The following RORA variants were observed in gnomAD, a reference collection of about 807,000 sequenced individuals.
The protein encoded by RORA is nuclear receptor ROR-alpha.
Under a neutral mutation model 69.5 loss-of-function variants are expected in RORA, and 7 were observed. The ratio of observed to expected loss-of-function variants is 0.10; its 90% confidence interval spans 0.06 to 0.19. The LOEUF is 0.19. Among genes scored for constraint, RORA ranks in the 10% least tolerant of loss-of-function variants. The probability of loss-of-function intolerance (pLI) is 1.00; values close to 1 mark genes in which losing one functional copy is unlikely to be tolerated. For missense variants in RORA, 457 were observed against 663.0 expected (o/e 0.69, Z 3.41); for synonymous variants, 261 against 240.8 (o/e 1.08, Z -0.78).
intron 1 of RORA, among the ~76,000 whole-genome samples, chr15:61,027,347 C>T (rs1045447419): frequency 6.6e-6 from 1 of 152,170 alleles, no homozygotes; most frequent in Non-Finnish European, 1.5e-5. Context: ...TCTATTGGAG[C>T]CATTCATTTG....
intron 3 of RORA, chr15:60,520,260 G>C (rs8027620): frequency 0.36 from 54,276 of 151,848 alleles, 12,483 homozygotes; most frequent in African/African-American, 0.65. Context: ...AGGTGAAGTG[G>C]GGTTATAAGG....
At chr15:60,519,192 A>G (rs1237665482) in intron 3 of RORA, among the ~76,000 whole-genome samples, 3 of 152,178 alleles carry the variant, frequency 2.0e-5, no homozygotes, top group Non-Finnish European at 2.9e-5. Context: ...TTCCTTCATG[A>G]CAGTCATTTC....
chr15:60,654,563 T>C (rs2070192838), intron 2 of RORA, among the ~76,000 whole-genome samples: 1 of 152,098 alleles, frequency 6.6e-6, no homozygotes, highest in Non-Finnish European at 1.5e-5. Flanking sequence ...AATGTCCACA[T>C]CTTAATTCCC....
intron 1 of RORA, among the ~76,000 whole-genome samples, chr15:61,063,207 G>A (rs2078211344): frequency 6.6e-6 from 1 of 152,164 alleles, no homozygotes; most frequent in Admixed American, 6.5e-5. Flanking sequence ...TTCACGGCGT[G>A]GAGCTGCTGA....
At chr15:61,163,182 T>C (rs1380816370) in intron 1 of RORA, among the ~76,000 whole-genome samples, 1 of 152,208 alleles carries the variant, frequency 6.6e-6, no homozygotes, top group East Asian at 1.9e-4. Flanking sequence ...TGTGTGTGGA[T>C]ACATTTGCAT....
At chr15:61,018,386 G>A (rs969146953) in intron 1 of RORA, among the ~76,000 whole-genome samples, 2 of 151,822 alleles carry the variant, frequency 1.3e-5, no homozygotes, top group African/African-American at 4.8e-5. Context: ...AAATTGCTTT[G>A]GGAATCAAAA....
At chr15:60,514,516 A>G in intron 4 of RORA, 100 bp downstream of exon 4, 2 of 1,158,504 alleles carry the variant, frequency 1.7e-6, no homozygotes, top group Non-Finnish European at 1.3e-6. Context: ...AATAATGAGG[A>G]GGGGGCAGGC....
rs2065180188 is a variant in RORA at position 60,496,871 on chromosome 15, A to G, written c.*584T>C. Reference sequence around the variant, plus strand: ...ATATTACTTAAAACAATATATAAACAATATCTCTTTTAGCTATATATAGTC... The same window carrying G: ...ATATTACTTAAAACAATATATAAACGATATCTCTTTTAGCTATATATAGTC... On this transcript the variant is annotated 3_prime_UTR_variant, in exon 11 of 11. Coordinates refer to ENST00000335670, the MANE Select transcript of RORA (RefSeq NM_134261.3). The surrounding 1 kb of genome is among the most constrained non-coding windows in gnomAD (Gnocchi z 4.5). 6.6e-6 allele frequency: 1 copy of G among 152,238 alleles called. No individual in the cohort carries two copies. Among genetic ancestry groups the G allele is most frequent in the African/African-American group, 2.4e-5 (1 of 41,454 alleles). 9.4% of individuals were successfully genotyped at this position (152,238 alleles called of 1,614,324 possible). A position where few individuals can be genotyped will look rare whatever the true frequency, so the allele number is the denominator to read the frequency against.
intron 1 of RORA, among the ~76,000 whole-genome samples, chr15:61,058,640 G>A (rs972860196): frequency 6.6e-6 from 1 of 152,174 alleles, no homozygotes; most frequent in South Asian, 2.1e-4. Context: ...CCTTTGTGCT[G>A]GAGTGAGAAG....
At position 60,502,847 on chromosome 15, in the gene RORA, T is replaced by A. The variant is rs547584187; in HGVS notation, c.1096A>T (p.Ile366Phe). ...GAGTCAAAGGCACGGCACATTCTGA[T>A]AAACACCACCTCTAGAGAACCTAAG... ...LKAGSLEVVF[I>F]RMCRAFDSQN... Residue 366 changes from isoleucine to phenylalanine, a missense_variant, in exon 8 of 11, where the codon ATC becomes TTC. Ile to Phe is a conservative substitution (Grantham distance 21, BLOSUM62 0). This residue lies in a region of RORA where 304 missense variants were observed against 447.4 expected (regional missense o/e 0.68). Coordinates refer to ENST00000335670, the MANE Select transcript of RORA (RefSeq NM_134261.3). 1.9e-6 allele frequency: 3 copies of A among 1,613,432 alleles called. No individual in the cohort carries two copies. Among genetic ancestry groups the A allele is most frequent in the Non-Finnish European group, 2.5e-6 (3 of 1,179,376 alleles).
At chr15:60,596,527 A>G (rs1214679849) in intron 2 of RORA, among the ~76,000 whole-genome samples, 1 of 152,082 alleles carries the variant, frequency 6.6e-6, no homozygotes, top group Non-Finnish European at 1.5e-5. Flanking sequence ...AGAGAGTTCT[A>G]AAGCAAGGAT....
At chr15:60,970,210 C>T (rs577367536) in intron 1 of RORA, among the ~76,000 whole-genome samples, 1 of 152,288 alleles carries the variant, frequency 6.6e-6, no homozygotes, top group South Asian at 2.1e-4. Flanking sequence ...TGGTATTTCC[C>T]ATCTGTAAAA....
Position 60,752,221 on chromosome 15 carries a change from C to T in RORA, c.167-73535G>A, listed in dbSNP as rs118055062. ...AGCAGTAATCACAACCAAAATTTTG[C>T]GCACCAACAAAAGCCCATTGACGCT... On this transcript the variant is annotated intron_variant, in intron 1 of 10. Coordinates refer to ENST00000335670, the MANE Select transcript of RORA (RefSeq NM_134261.3). Among the ~76,000 whole-genome samples the T allele has an allele frequency of 5.4e-3, 819 of 152,176 alleles. 4 individuals carry two copies. Among genetic ancestry groups the T allele is most frequent in the South Asian group, 0.018 (89 of 4,814 alleles).
intron 2 of RORA, among the ~76,000 whole-genome samples, chr15:60,676,359 G>T (rs1421942496): frequency 6.6e-6 from 1 of 152,142 alleles, no homozygotes; most frequent in Non-Finnish European, 1.5e-5. Flanking sequence ...ATGTAACTTG[G>T]ACAATTCAAT....
intron 1 of RORA, among the ~76,000 whole-genome samples, chr15:60,679,604 A>AT (rs11290356): frequency 2.6e-4 from 39 of 151,758 alleles, no homozygotes; most frequent in African/African-American, 8.2e-4. Flanking sequence ...AAACCTTGAA[A>AT]TTTTTTTTTC....
intron 1 of RORA, among the ~76,000 whole-genome samples, chr15:61,220,685 C>G (rs928196995): frequency 6.6e-6 from 1 of 152,170 alleles, no homozygotes; most frequent in African/African-American, 2.4e-5. Flanking sequence ...CTCACCGTGC[C>G]CTTCAGACCT....
chr15:60,592,402 T>C, intron 2 of RORA: 1 of 1,436,438 alleles, frequency 7.0e-7, no homozygotes. Flanking sequence ...ATCGCTGCGA[T>C]CACAAAATAC....
At chr15:60,657,693 A>C (rs1225672569) in intron 2 of RORA, among the ~76,000 whole-genome samples, 3 of 152,226 alleles carry the variant, frequency 2.0e-5, no homozygotes, top group Admixed American at 6.5e-5. Context: ...GTTGTAAGTA[A>C]GCTAAGTCTT....
intron 1 of RORA, among the ~76,000 whole-genome samples, chr15:60,697,231 A>G (rs1009460231): frequency 6.6e-6 from 1 of 152,238 alleles, no homozygotes; most frequent in Non-Finnish European, 1.5e-5. Flanking sequence ...GTAATTTCAC[A>G]TTACAAATGT....
Sources: gnomAD v4.1 joint callset for allele counts (sites outside exome capture counted in the v4.1 genomes callset) on GRCh38, gnomAD v4.1.1 for gene constraint, gnomAD v4.1.1 regional missense constraint, Gnocchi (gnomAD v3.1) non-coding constraint, MANE v1.5 for transcripts, NCBI Gene and HGNC (gene_info 2026-07-23, HGNC 2026-07-21) for gene names.